The following C22orf15 variants were observed in gnomAD, a reference collection of about 807,000 sequenced individuals.
The protein encoded by C22orf15 is chromosome 22 open reading frame 15, also known as uncharacterized protein C22orf15.
In C22orf15, 21 loss-of-function variants were observed where a neutral mutation model predicts 20.3. The ratio of observed to expected loss-of-function variants is 1.04; its 90% confidence interval spans 0.74 to 1.49. The LOEUF (loss-of-function observed/expected upper bound fraction) is 1.49, where lower values mean the gene tolerates loss of function less well. Ranked by LOEUF, C22orf15 falls within the 40% of genes most tolerant of loss-of-function variation. C22orf15 has a pLI of 0.00. For missense variants in C22orf15, 170 were observed against 191.1 expected (o/e 0.89, Z 0.65); for synonymous variants, 78 against 75.4 (o/e 1.03, Z -0.18).
In C22orf15 at chr22:23,764,636, CAG is replaced by C. The variant is rs1486909490; in HGVS notation, c.251_252del. On this transcript the variant is annotated splice_acceptor_variant, in intron 3 of 5. Coordinates refer to ENST00000402217, the MANE Select transcript of C22orf15 (RefSeq NM_182520.3). LOFTEE classifies it high-confidence loss of function. ...TCCTTCATCGTCTCTCCACATGTCA[CAG>C]AGGGAGAGGACATGGCCTCCACCCG... The C allele has an allele frequency of 2.5e-6, 4 of 1,614,050 alleles. No homozygotes were observed. The highest frequency in any genetic ancestry group is 2.5e-6 in the Non-Finnish European group (3 of 1,179,898).
chr22:23,764,036 T>G, intron 1 of C22orf15, 51 bp from the exon 2 acceptor site: 2 of 1,523,570 alleles, frequency 1.3e-6, no homozygotes, highest in Non-Finnish European at 1.8e-6. Context: ...AGGACCCCGA[T>G]TTGGAGGAAG....
intron 5 of C22orf15, chr22:23,765,344 G>GTCAAGA: frequency 6.5e-7 from 1 of 1,550,200 alleles, no homozygotes; most frequent in Non-Finnish European, 8.7e-7. Context: ...AGACCCAAGG[G>GTCAAGA]GGTTAGCCAT....
At chr22:23,764,049 A>G in intron 1 of C22orf15, 38 bp from the exon 2 acceptor site, 1 of 1,539,976 alleles carries the variant, frequency 6.5e-7, no homozygotes. Context: ...GGAGGAAGGT[A>G]AGAGATCTCA....
chr22:23,765,051 C>A, intron 5 of C22orf15, 149 bp downstream of exon 5: 3 of 1,479,734 alleles, frequency 2.0e-6, no homozygotes, highest in South Asian at 2.8e-5. Context: ...ACCAACTCCA[C>A]GCACATATAC....
rs977630736 is a variant in C22orf15 at position 23,764,299 on chromosome 22, G to C, written c.152G>C (p.Ser51Thr). Residue 51 changes from serine (S) to threonine (T), a missense_variant, in exon 3 of 6, where the codon AGC becomes ACC. Physicochemically the swap from Ser to Thr is moderately conservative, Grantham distance 58. Coordinates refer to ENST00000402217, the MANE Select transcript of C22orf15 (RefSeq NM_182520.3). The part of the protein sequence containing the change: ...ALLAEDGNLV[S>T]LEEDLKEGAS... ...CTGGCTGAGGATGGCAACCTAGTGA[G>C]CCTGGAGGAGGACCTGAAGGAAGGG... is the stretch of plus-strand genomic sequence containing the variant. 1.3e-6 allele frequency: 2 copies of C among 1,551,544 alleles called. No homozygotes were observed. The highest frequency in any genetic ancestry group is 2.7e-5 in the African/African-American group (2 of 73,036).
chr22:23,765,566 G>A (rs1926660332), intron 5 of C22orf15, 155 bp from the exon 6 acceptor site: 1 of 1,528,412 alleles, frequency 6.5e-7, no homozygotes, highest in Non-Finnish European at 8.8e-7. Flanking sequence ...CTGATAAGGG[G>A]GAGACCATGG....
chr22:23,764,028 G>T, intron 1 of C22orf15, 59 bp from the exon 2 acceptor site: 2 of 1,503,350 alleles, frequency 1.3e-6, no homozygotes, highest in South Asian at 1.2e-5. Context: ...AGAGACAGAG[G>T]ACCCCGATTT....
At chr22:23,765,468 A>G in intron 5 of C22orf15, 1 of 1,550,876 alleles carries the variant, frequency 6.4e-7, no homozygotes, top group Non-Finnish European at 8.7e-7. Context: ...GTCAGACAGG[A>G]TTTGAGGCCG....
chr22:23,765,179 A>G lies in C22orf15; in HGVS notation c.435+277A>G, dbSNP rs1926562623. 3 of 1,439,028 alleles carry G rather than the reference A, an allele frequency of 2.1e-6. No individual in the cohort carries two copies. In the South Asian group the frequency reaches 4.4e-5, roughly 21 times the overall value. The allele number at this position is 1,439,028 out of a possible 1,614,324, so 89.1% of individuals were successfully genotyped here. A position where few individuals can be genotyped will look rare whatever the true frequency, so the allele number is the denominator to read the frequency against. ...AGATGTGGCATAGGGGCTGGCACAC[A>G]GTAGGAGCTCAGTGCACAACTGCTG... On this transcript the variant is annotated intron_variant, in intron 5 of 5. Transcript: ENST00000402217.
Position 23,765,706 on chromosome 22 carries a change from C to CT in C22orf15, c.436-14dup, listed in dbSNP as rs1157321572. 1 of 1,548,354 alleles carries CT rather than the reference C, an allele frequency of 6.5e-7. No individual in the cohort carries two copies. The highest frequency in any genetic ancestry group is 8.7e-7 in the Non-Finnish European group (1 of 1,145,348). On this transcript the variant is annotated splice_polypyrimidine_tract_variant and intron_variant, in intron 5 of 5. Coordinates refer to ENST00000402217, the MANE Select transcript of C22orf15 (RefSeq NM_182520.3). ...CACAGTGCAGATTGCAACAGGGCTC[C>CT]TCCTCCCCACCCAGGGCCCTGATTA...
At position 23,763,323 on chromosome 22, in the gene C22orf15, T is replaced by A. The variant is rs770644333; in HGVS notation, c.17T>A (p.Met6Lys). The A allele has an allele frequency of 7.1e-6, 11 of 1,549,034 alleles. No individual in the cohort carries two copies. The South Asian group carries it at 1.3e-4, about 19-fold the overall frequency. MFIKV[M>K]FGAGCSVLVN... ...GCTGCAGCTATGTTTATCAAGGTGATGTTTGGGGGTAAGTGGGGTCCCCTG... is the reference window on the plus strand; with the variant it reads ...GCTGCAGCTATGTTTATCAAGGTGAAGTTTGGGGGTAAGTGGGGTCCCCTG... Residue 6 changes from methionine (M) to lysine (K), a missense_variant, in exon 1 of 6, where the codon ATG (methionine) becomes AAG (lysine). Transcript: ENST00000402217.
chr22:23,765,345 G>T (rs1926601194), intron 5 of C22orf15: 1 of 1,550,384 alleles, frequency 6.5e-7, no homozygotes, highest in Non-Finnish European at 8.7e-7. Context: ...GACCCAAGGG[G>T]GTTAGCCATG....
intron 5 of C22orf15, 72 bp downstream of exon 5, chr22:23,764,974 C>T (rs1926515598): frequency 1.3e-6 from 2 of 1,531,586 alleles, no homozygotes; most frequent in Non-Finnish European, 1.7e-6. Context: ...TGGACATCCA[C>T]AGAGACACCC....
chr22:23,765,614 T>C (rs61117377), intron 5 of C22orf15, 107 bp from the exon 6 acceptor site: 244,598 of 1,513,264 alleles, frequency 0.16, 21,933 homozygotes, highest in African/African-American at 0.37. Context: ...TCAGATGCCC[T>C]TGGGATCACC....
intron 5 of C22orf15, 180 bp from the exon 6 acceptor site, chr22:23,765,541 A>T: frequency 6.5e-7 from 1 of 1,543,614 alleles, no homozygotes; most frequent in Non-Finnish European, 8.8e-7. Flanking sequence ...AGAAGGGTAG[A>T]GGTGGCAGGT....
At chr22:23,764,448 G>A (rs561470788) in intron 3 of C22orf15, 51 bp downstream of exon 3, 4 of 1,606,164 alleles carry the variant, frequency 2.5e-6, no homozygotes, top group Non-Finnish European at 2.6e-6. Context: ...AATGTAAGAG[G>A]GGGGCATAGC....
chr22:23,764,883 C>T lies in C22orf15; in HGVS notation c.416C>T (p.Pro139Leu). 6.2e-7 allele frequency: 1 copy of T among 1,612,864 alleles called. No homozygotes were observed. The highest frequency in any genetic ancestry group is 1.1e-5 in the South Asian group (1 of 91,042). Reference protein sequence around the residue: ...GTRRGRHEQSPTSRPRKGPD With the variant: ...GTRRGRHEQSLTSRPRKGPD Reference sequence around the variant, plus strand: ...CGGCGAGGCCGCCATGAGCAAAGCCCCACTTCAAGGCCCAGAAAGGTGAGC... The same window carrying T: ...CGGCGAGGCCGCCATGAGCAAAGCCTCACTTCAAGGCCCAGAAAGGTGAGC... The change falls in exon 5 of 6, where the codon CCC becomes CTC. Residue 139 changes from proline (P) to leucine (L), a missense_variant. Pro to Leu is a moderately conservative substitution (Grantham distance 98, BLOSUM62 -3). Coordinates refer to ENST00000402217, the MANE Select transcript of C22orf15 (RefSeq NM_182520.3).
chr22:23,764,864 G>A lies in C22orf15; in HGVS notation c.397G>A (p.Gly133Ser). 1 of 1,613,588 alleles carries A rather than the reference G, an allele frequency of 6.2e-7. No homozygotes were observed. Among genetic ancestry groups the A allele is most frequent in the Non-Finnish European group, 8.5e-7 (1 of 1,179,894 alleles). The change falls in exon 5 of 6, where the codon GGC (glycine) becomes AGC (serine). Residue 133 changes from glycine (G) to serine (S), a missense_variant. By Grantham distance (56) the Gly-to-Ser change is moderately conservative. Transcript: ENST00000402217. The part of the protein sequence containing the change: ...NWRKRMGTRR[G>S]RHEQSPTSRP... The stretch of plus-strand genomic sequence containing the variant: ...GAGGAAGCGTATGGGCACTCGGCGA[G>A]GCCGCCATGAGCAAAGCCCCACTTC...
chr22:23,763,152 G>C lies in C22orf15; in HGVS notation c.-155G>C. On this transcript the variant is annotated 5_prime_UTR_variant, in exon 1 of 6. Transcript: ENST00000402217. ...GAACCACAGAGGTGGCTGAGCAGGGGCCTGGCCCTGGGACCCAGCCATCCA... is the reference window on the plus strand; with the variant it reads ...GAACCACAGAGGTGGCTGAGCAGGGCCCTGGCCCTGGGACCCAGCCATCCA... The C allele has an allele frequency of 2.0e-6, 2 of 992,238 alleles. No individual in the cohort carries two copies. Among genetic ancestry groups the C allele is most frequent in the Non-Finnish European group, 3.0e-6 (2 of 664,154 alleles). 61.5% of individuals were successfully genotyped at this position (992,238 alleles called of 1,614,324 possible). A position where few individuals can be genotyped will look rare whatever the true frequency, so the allele number is the denominator to read the frequency against.
Sources: allele counts gnomAD v4.1 joint callset, GRCh38; gene constraint gnomAD v4.1.1; transcripts MANE v1.5; gene names NCBI Gene and HGNC (gene_info 2026-07-23, HGNC 2026-07-21).